DYRK1A: variants seen among roughly 807,000 people sequenced by gnomAD.
DYRK1A encodes dual specificity tyrosine-phosphorylation-regulated kinase 1A.
In DYRK1A, 9 loss-of-function variants were observed where a neutral mutation model predicts 79.7. The ratio of observed to expected loss-of-function variants is 0.11; its 90% CI spans 0.07 to 0.20. The LOEUF (loss-of-function observed/expected upper bound fraction) is 0.20. DYRK1A is among the 10% of genes least tolerant of loss of function. DYRK1A has a pLI of 1.00. For synonymous variants in DYRK1A, 349 were observed against 329.7 expected (o/e 1.06, Z -0.63); for missense variants, 622 against 956.0 (o/e 0.65, Z 4.61).
In DYRK1A at chr21:37,399,602, T is replaced by A. The variant is rs2050018141; in HGVS notation, c.-76-20697T>A. ...GCATTTTAACATTTACTGTTCTTAA[T>A]AGAATATGTGACAACTTTCTAGACA... On this transcript the variant is annotated intron_variant, in intron 1 of 11. Transcript: ENST00000647188. Among the ~76,000 whole-genome samples, 2 of 152,210 alleles carry A rather than the reference T, an allele frequency of 1.3e-5. 1 individual carries two copies. The highest frequency in any genetic ancestry group is 4.1e-4 in the South Asian group (2 of 4,830).
rs1352716163 is a variant in DYRK1A, at chr21:37,526,040, G to A, written c.*13509G>A. The A allele has an allele frequency of 6.6e-6, 1 of 152,182 alleles. No homozygotes were observed. Among genetic ancestry groups the A allele is most frequent in the Non-Finnish European group, 1.5e-5 (1 of 68,034 alleles). The allele number at this position is 152,182 out of a possible 1,614,324, so 9.4% of individuals were successfully genotyped here. A position where few individuals can be genotyped will look rare whatever the true frequency, so the allele number is the denominator to read the frequency against. On this transcript the variant is annotated 3_prime_UTR_variant, in exon 12 of 12. Coordinates refer to ENST00000647188, the MANE Select transcript of DYRK1A (RefSeq NM_001347721.2). ...CTACTGTGTTAAGTGATTTCAAGAAGAACTATTGTTTGAATCACAACTAAT... is the reference window on the plus strand; with the variant it reads ...CTACTGTGTTAAGTGATTTCAAGAAAAACTATTGTTTGAATCACAACTAAT...
intron 11 of DYRK1A, among the ~76,000 whole-genome samples, chr21:37,508,310 C>T (rs956543279): frequency 2.6e-5 from 4 of 152,164 alleles, no homozygotes; most frequent in Non-Finnish European, 4.4e-5. Context: ...CCTGCTGAGA[C>T]GGAGTCTTGC....
intron 8 of DYRK1A, among the ~76,000 whole-genome samples, chr21:37,493,732 T>G (rs946506425): frequency 1.3e-5 from 2 of 152,132 alleles, no homozygotes; most frequent in African/African-American, 4.8e-5. Context: ...TCAGAGAAAT[T>G]AGACTTTCAT....
intron 2 of DYRK1A, among the ~76,000 whole-genome samples, chr21:37,442,058 T>G (rs2051123301): frequency 1.3e-5 from 2 of 151,942 alleles, no homozygotes; most frequent in African/African-American, 4.8e-5. Context: ...CACCATCTGC[T>G]CTCTCGCATT....
chr21:37,462,754 C>G (rs922815821), intron 2 of DYRK1A, among the ~76,000 whole-genome samples: 1 of 152,174 alleles, frequency 6.6e-6, no homozygotes, highest in Admixed American at 6.5e-5. Flanking sequence ...TTGGGCTCCC[C>G]CTTCCTATAT....
At chr21:37,426,329 C>T (rs941609663) in intron 2 of DYRK1A, among the ~76,000 whole-genome samples, 4 of 152,028 alleles carry the variant, frequency 2.6e-5, no homozygotes, top group African/African-American at 4.8e-5. Context: ...TCAAAATCCC[C>T]ACAGAGTTTT....
At chr21:37,501,108 C>G (rs1377483413) in intron 9 of DYRK1A, among the ~76,000 whole-genome samples, 3 of 150,684 alleles carry the variant, frequency 2.0e-5, no homozygotes, top group Admixed American at 2.0e-4. Context: ...AAATTTCCCT[C>G]CAAGCACTGC....
rs760229515 is a variant in DYRK1A, at chr21:37,521,094, TGAG to T, written c.*8567_*8569del. ...CTTCTGTAGTCTTGAAGAATTCAGA[TGAG>T]GAGCTTGTCCAGGGAGGGCTCCCAC... On this transcript the variant is annotated 3_prime_UTR_variant, in exon 12 of 12. Coordinates refer to ENST00000647188, the MANE Select transcript of DYRK1A (RefSeq NM_001347721.2). 1 of 152,248 alleles carries T rather than the reference TGAG, an allele frequency of 6.6e-6. No homozygotes were observed. The highest frequency in any genetic ancestry group is 1.5e-5 in the Non-Finnish European group (1 of 68,058). The allele number at this position is 152,248 out of a possible 1,614,324, so 9.4% of individuals were successfully genotyped here.
chr21:37,425,696 C>CACT lies in DYRK1A; in HGVS notation c.10+5313_10+5314insCTA, dbSNP rs2050599622. On this transcript the variant is annotated intron_variant, in intron 2 of 11. Transcript: ENST00000647188. The stretch of plus-strand genomic sequence containing the variant: ...TTTTCCCATTTTCCTCTAGAAGAGA[C>CACT]AGAGTAACTAGCTCAGCAAAACCAA... The CACT allele has an allele frequency of 2.0e-5, 3 of 150,372 alleles. No individual in the cohort carries two copies. The South Asian group carries it at 6.2e-4, about 31-fold the overall frequency. 9.3% of individuals were successfully genotyped at this position (150,372 alleles called of 1,614,324 possible). A position where few individuals can be genotyped will look rare whatever the true frequency, so the allele number is the denominator to read the frequency against.
chr21:37,374,842 T>TG (rs2049505669), intron 1 of DYRK1A, among the ~76,000 whole-genome samples: 1 of 152,208 alleles, frequency 6.6e-6, no homozygotes, highest in Non-Finnish European at 1.5e-5. Flanking sequence ...CTTGAGCCAC[T>TG]GGGCCTAGCT....
At chr21:37,502,525 T>C (rs563107443) in intron 9 of DYRK1A, 5 of 152,324 alleles carry the variant, frequency 3.3e-5, no homozygotes. Flanking sequence ...AACCATGTGA[T>C]TCTATCTACC....
intron 1 of DYRK1A, among the ~76,000 whole-genome samples, chr21:37,391,902 T>C (rs1055360646): frequency 8.5e-5 from 13 of 152,240 alleles, no homozygotes; most frequent in African/African-American, 3.1e-4. Context: ...GTAGTAGGTG[T>C]GTTCAGTGCA....
intron 1 of DYRK1A, among the ~76,000 whole-genome samples, chr21:37,372,887 G>A (rs778439859): frequency 2.6e-5 from 4 of 151,920 alleles, no homozygotes; most frequent in African/African-American, 4.8e-5. Flanking sequence ...AGGACCATTT[G>A]TTTTTCTTTG....
chr21:37,522,322 C>T lies in DYRK1A; in HGVS notation c.*9791C>T, dbSNP rs1416306822. ...ATTCATGCACATTCAAAGTCAGAGA[C>T]ACTGCCCCAACACCTCACTTTAGAG... On this transcript the variant is annotated 3_prime_UTR_variant, in exon 12 of 12. Transcript: ENST00000647188. The T allele has an allele frequency of 2.0e-5, 3 of 152,222 alleles. No homozygotes were observed. The highest frequency in any genetic ancestry group is 7.2e-5 in the African/African-American group (3 of 41,440). 9.4% of individuals were successfully genotyped at this position (152,222 alleles called of 1,614,324 possible).
Position 37,512,245 on chromosome 21 carries a change from C to T in DYRK1A, c.1979C>T (p.Ser660Phe). Residue 660 changes from serine to phenylalanine, a missense_variant, in exon 12 of 12, where the codon TCC becomes TTC. By Grantham distance (155) the Ser-to-Phe change is radical. Coordinates refer to ENST00000647188, the MANE Select transcript of DYRK1A (RefSeq NM_001347721.2). ...SSSTTSSSTS[S>F]SSTGNQGNQA... ...TCAACGACTTCTTCCTCGACATCTT[C>T]CTCCTCTACTGGTAACCAAGGCAAT... 1 of 1,614,234 alleles carries T rather than the reference C, an allele frequency of 6.2e-7. No homozygotes were observed. Among genetic ancestry groups the T allele is most frequent in the Non-Finnish European group, 8.5e-7 (1 of 1,180,040 alleles).
intron 2 of DYRK1A, among the ~76,000 whole-genome samples, chr21:37,428,416 C>T (rs530061006): frequency 7.4e-4 from 112 of 152,246 alleles, no homozygotes; most frequent in African/African-American, 2.6e-3. Context: ...TATGTATCTC[C>T]TTTTAAAGGG....
At position 37,472,126 on chromosome 21, in the gene DYRK1A, TG is replaced by T. The variant is rs2052247211; in HGVS notation, c.11-555del. ...AAGGTGCAGAGAAATCCAACGACCTTGGGTTGAGAAGTTTAGTTCTGTGTTT... is the reference window on the plus strand; with the variant it reads ...AAGGTGCAGAGAAATCCAACGACCTTGGTTGAGAAGTTTAGTTCTGTGTTT... On this transcript the variant is annotated intron_variant, in intron 2 of 11. Transcript: ENST00000647188. Among the ~76,000 whole-genome samples, 6 of 152,290 alleles carry T rather than the reference TG, an allele frequency of 3.9e-5. No homozygotes were observed. In the South Asian group the frequency reaches 1.2e-3, roughly 32 times the overall value.
chr21:37,438,850 C>G (rs955527897), intron 2 of DYRK1A, among the ~76,000 whole-genome samples: 6 of 152,112 alleles, frequency 3.9e-5, no homozygotes, highest in Non-Finnish European at 8.8e-5. Context: ...TCGCTAATTT[C>G]TTCAATAAAG....
upstream of DYRK1A, among the ~76,000 whole-genome samples, chr21:37,366,388 G>T (rs1055255643): frequency 6.9e-6 from 1 of 145,338 alleles, no homozygotes; most frequent in Admixed American, 6.8e-5. Flanking sequence ...CGCGCTCCCC[G>T]GGCCGCAGTC....
Sources: allele counts gnomAD v4.1 joint callset (sites outside exome capture counted in the v4.1 genomes callset), GRCh38; gene constraint gnomAD v4.1.1; transcripts MANE v1.5; gene names NCBI Gene and HGNC (gene_info 2026-07-23, HGNC 2026-07-21).